The following ITGB3BP variants were observed in gnomAD, a reference collection of about 807,000 sequenced individuals.
The protein encoded by ITGB3BP is integrin subunit beta 3 binding protein.
ITGB3BP carries 27 observed loss-of-function variants against 29.1 expected under a neutral mutation model. The observed-to-expected ratio is 0.93, with a 90% CI of 0.68 to 1.28. ITGB3BP has a LOEUF of 1.28. ITGB3BP is among the 50% of genes most tolerant of loss of function. The pLI is 0.00. For synonymous variants in ITGB3BP, 61 were observed against 61.4 expected (o/e 0.99, Z 0.03); for missense variants, 192 against 200.2 (o/e 0.96, Z 0.25).
intron 4 of ITGB3BP, among the ~76,000 whole-genome samples, chr1:63,456,820 G>A (rs2100515995): frequency 6.6e-6 from 1 of 152,224 alleles, no homozygotes; most frequent in East Asian, 1.9e-4. Flanking sequence ...GATGTAAATG[G>A]TGCCCCCCAA....
chr1:63,503,298 C>T (rs1645986377), intron 2 of ITGB3BP, among the ~76,000 whole-genome samples: 1 of 152,136 alleles, frequency 6.6e-6, no homozygotes, highest in South Asian at 2.1e-4. Context: ...TGTCTTTTGG[C>T]TGCATAAATG....
At chr1:63,513,686 T>C (rs1413898865) in intron 1 of ITGB3BP, among the ~76,000 whole-genome samples, 1 of 152,194 alleles carries the variant, frequency 6.6e-6, no homozygotes, top group Non-Finnish European at 1.5e-5. Flanking sequence ...TTAAAAACTA[T>C]GATTTCATAT....
At chr1:63,478,966 T>C in intron 3 of ITGB3BP, 133 bp from the exon 4 acceptor site, 1 of 384,638 alleles carries the variant, frequency 2.6e-6, no homozygotes, top group East Asian at 3.9e-5. Flanking sequence ...AAAGAAAAAG[T>C]ATCCTATTTT....
intron 4 of ITGB3BP, among the ~76,000 whole-genome samples, chr1:63,468,642 A>C (rs1375640144): frequency 6.6e-6 from 1 of 151,050 alleles, no homozygotes; most frequent in Admixed American, 6.6e-5. Flanking sequence ...CGGGCGGACC[A>C]CCTGAGGTAG....
chr1:63,515,455 A>G (rs1405310372), intron 1 of ITGB3BP, among the ~76,000 whole-genome samples: 1 of 152,170 alleles, frequency 6.6e-6, no homozygotes, highest in Admixed American at 6.6e-5. Flanking sequence ...GGCTACTGCA[A>G]GTCACTTGCC....
In ITGB3BP at chr1:63,501,817, A is replaced by G. The variant is rs182608624; in HGVS notation, c.48+6711T>C. On this transcript the variant is annotated intron_variant, in intron 2 of 8. Coordinates refer to ENST00000271002, the MANE Select transcript of ITGB3BP (RefSeq NM_014288.5). ...GTTGAGGCTGCAGTGAGCTGTGATC[A>G]TAACAATGTACTCCAGCCTGGGCAA... 4.0e-3 allele frequency among the ~76,000 whole-genome samples: 600 copies of G among 151,864 alleles called. 4 individuals carry two copies. Among genetic ancestry groups the G allele is most frequent in the African/African-American group, 0.013 (548 of 41,502 alleles).
chr1:63,482,677 G>T (rs1264972926), intron 3 of ITGB3BP, among the ~76,000 whole-genome samples: 3 of 124,878 alleles, frequency 2.4e-5, no homozygotes, highest in Non-Finnish European at 3.2e-5. Context: ...TTTTGAGACA[G>T]AGTCTCACTT....
chr1:63,511,561 TAAAC>T (rs1646200602), intron 1 of ITGB3BP, among the ~76,000 whole-genome samples: 1 of 151,918 alleles, frequency 6.6e-6, no homozygotes, highest in African/African-American at 2.4e-5. Context: ...GATGAACCGA[TAAAC>T]AAAATGTGAT....
intron 2 of ITGB3BP, among the ~76,000 whole-genome samples, chr1:63,491,344 A>G (rs1285876159): frequency 6.6e-6 from 1 of 152,200 alleles, no homozygotes; most frequent in Non-Finnish European, 1.5e-5. Flanking sequence ...AACAACAAAG[A>G]GGTTTTAAAT....
At position 63,454,909 on chromosome 1, in the gene ITGB3BP, T is replaced by C. The variant is rs1047863578; in HGVS notation, c.314A>G (p.Gln105Arg). Residue 105 changes from glutamine (Q) to arginine (R), a missense_variant, in exon 5 of 9, where the codon CAA (glutamine) becomes CGA (arginine). Physicochemically the swap from Gln to Arg is conservative, Grantham distance 43 (BLOSUM62 1). Transcript: ENST00000271002. This position sits in a 1 kb window ranked among gnomAD's most constrained non-coding sequence, Gnocchi z 4.1. Reference protein sequence around the residue: ...KLSEEIMEIMQNLSSIQALEG... With the variant: ...KLSEEIMEIMRNLSSIQALEG... ...GCAAACCTGTATACTACTTAAATTTTGCATTATCTCCATGATTTCTTCTGA... is the reference window on the plus strand; with the variant it reads ...GCAAACCTGTATACTACTTAAATTTCGCATTATCTCCATGATTTCTTCTGA... 1 of 1,542,666 alleles carries C rather than the reference T, an allele frequency of 6.5e-7. No individual in the cohort carries two copies. Among genetic ancestry groups the C allele is most frequent in the Admixed American group, 1.7e-5 (1 of 59,528 alleles).
intron 2 of ITGB3BP, among the ~76,000 whole-genome samples, chr1:63,499,808 T>G (rs1199456548): frequency 6.6e-6 from 1 of 151,980 alleles, no homozygotes; most frequent in Non-Finnish European, 1.5e-5. Context: ...ATAAAAACAC[T>G]CAACAGACTA....
At chr1:63,504,355 T>C (rs1646019270) in intron 2 of ITGB3BP, among the ~76,000 whole-genome samples, 1 of 151,946 alleles carries the variant, frequency 6.6e-6, no homozygotes, top group Non-Finnish European at 1.5e-5. Context: ...TTTTGTACAT[T>C]GATTTTGTAT....
At chr1:63,449,173 A>T (rs975080655) in intron 7 of ITGB3BP, 3 of 152,582 alleles carry the variant, frequency 2.0e-5, no homozygotes, top group African/African-American at 7.2e-5. Flanking sequence ...GAATTTTCCA[A>T]ATCTCTCACC....
intron 8 of ITGB3BP, chr1:63,443,206 A>C (rs1245351953): frequency 6.6e-6 from 1 of 152,310 alleles, no homozygotes; most frequent in Non-Finnish European, 1.5e-5. Flanking sequence ...CTAGGGCATA[A>C]GGACAAAATC....
intron 1 of ITGB3BP, chr1:63,510,240 C>G (rs1646171768): frequency 2.3e-6 from 1 of 433,406 alleles, no homozygotes; most frequent in Non-Finnish European, 4.1e-6. Flanking sequence ...TTAAACAGTA[C>G]AGCATTTCTT....
chr1:63,468,861 CAAAA>C (rs1296454984), intron 4 of ITGB3BP, among the ~76,000 whole-genome samples: 106 of 88,012 alleles, frequency 1.2e-3, no homozygotes, highest in Admixed American at 3.5e-3. Flanking sequence ...AACTCTGTCT[CAAAA>C]TAAATAAATA....
chr1:63,493,642 AT>A (rs1230606530), intron 2 of ITGB3BP, among the ~76,000 whole-genome samples: 3 of 152,166 alleles, frequency 2.0e-5, no homozygotes, highest in Non-Finnish European at 4.4e-5. Context: ...TGAAAAAAAA[AT>A]CAATGTTCTC....
Position 63,488,279 on chromosome 1 carries a change from T to C in ITGB3BP, c.184+1804A>G, listed in dbSNP as rs1052749600. Among the ~76,000 whole-genome samples the C allele has an allele frequency of 3.3e-5, 5 of 151,782 alleles. 1 individual carries two copies. In the East Asian group the frequency reaches 9.6e-4, roughly 29 times the overall value. On this transcript the variant is annotated intron_variant, in intron 3 of 8. Coordinates refer to ENST00000271002, the MANE Select transcript of ITGB3BP (RefSeq NM_014288.5). Reference sequence around the variant, plus strand: ...GCATGACTGACAAATAGCAAGAAGGTAAGAGTGGCTAAAGTAGTGTAAAAA... The same window carrying C: ...GCATGACTGACAAATAGCAAGAAGGCAAGAGTGGCTAAAGTAGTGTAAAAA...
intron 4 of ITGB3BP, among the ~76,000 whole-genome samples, chr1:63,459,762 G>A (rs1185770370): frequency 6.6e-6 from 1 of 152,114 alleles, no homozygotes; most frequent in African/African-American, 2.4e-5. Context: ...GAACCCAGGT[G>A]TGTTTGACCT....
Sources: gnomAD v4.1 joint callset for allele counts (sites outside exome capture counted in the v4.1 genomes callset) on GRCh38, gnomAD v4.1.1 for gene constraint, Gnocchi (gnomAD v3.1) non-coding constraint, MANE v1.5 for transcripts, NCBI Gene and HGNC (gene_info 2026-07-23, HGNC 2026-07-21) for gene names.